ING1: variants seen among roughly 807,000 people sequenced by gnomAD.
The protein encoded by ING1 is inhibitor of growth family member 1.
A neutral mutation model predicts 23.1 loss-of-function variants in ING1; 4 were observed. The observed-to-expected ratio is 0.17, with a 90% confidence interval of 0.09 to 0.40. The LOEUF is 0.40. Ranked by LOEUF, ING1 falls within the 10% of genes least tolerant of loss-of-function variation. ING1 has a pLI of 1.00. For missense variants in ING1, 256 were observed against 393.8 expected (o/e 0.65, Z 2.96); for synonymous variants, 179 against 166.4 (o/e 1.08, Z -0.58).
chr13:110,712,644 G>C, upstream of ING1: 1 of 586,744 alleles, frequency 1.7e-6, no homozygotes, highest in Non-Finnish European at 3.2e-6. Flanking sequence ...GGCGACGCGG[G>C]GGAGGGCGGT....
Position 110,722,364 on chromosome 13 carries a change from T to G in ING1, c.*2432T>G, listed in dbSNP as rs1187131479. 6.6e-6 allele frequency: 1 copy of G among 152,186 alleles called. No individual in the cohort carries two copies. The highest frequency in any genetic ancestry group is 2.4e-5 in the African/African-American group (1 of 41,438). The allele number at this position is 152,186 out of a possible 1,614,324, so 9.4% of individuals were successfully genotyped here. Reference sequence around the variant, plus strand: ...CCAGTGACAATAAAAATAGCTTGAGTCTTTGCTTATATAAAATTTCATGCT... The same window carrying G: ...CCAGTGACAATAAAAATAGCTTGAGGCTTTGCTTATATAAAATTTCATGCT... On this transcript the variant is annotated 3_prime_UTR_variant, in exon 2 of 2. Coordinates refer to ENST00000333219, the MANE Select transcript of ING1 (RefSeq NM_198219.3).
chr13:110,713,471 C>A (rs959537143), upstream of ING1: 119 of 989,524 alleles, frequency 1.2e-4, no homozygotes, highest in East Asian at 3.4e-4. Context: ...GCCGTCCACA[C>A]CCCAGCGGCC....
chr13:110,714,339 G>C (rs987064189), intron 1 of ING1, 54 bp downstream of exon 1: 24 of 1,471,180 alleles, frequency 1.6e-5, no homozygotes, highest in African/African-American at 2.9e-5. Context: ...CGGCGGGTCC[G>C]GGCGCGCCGC....
chr13:110,715,378 A>T, intron 1 of ING1: 1 of 1,499,466 alleles, frequency 6.7e-7, no homozygotes, highest in Admixed American at 2.3e-5. Flanking sequence ...TTCGCAGCGA[A>T]TTTTATAGGA....
chr13:110,713,077 C>A, upstream of ING1: 1 of 1,444,710 alleles, frequency 6.9e-7, no homozygotes, highest in Non-Finnish European at 9.1e-7. Context: ...CCCTCCCCTT[C>A]CTTCCGCCTC....
chr13:110,713,008 C>T (rs1279724119), upstream of ING1: 2 of 1,532,838 alleles, frequency 1.3e-6, no homozygotes, highest in Non-Finnish European at 1.8e-6. Context: ...GCGGCCGCAG[C>T]TCAAAGGACA....
At position 110,719,557 on chromosome 13, in the gene ING1, CAACG is replaced by C; in HGVS notation, c.467_470del (p.Asn156ArgfsTer67). 1 of 1,610,646 alleles carries C rather than the reference CAACG, an allele frequency of 6.2e-7. No homozygotes were observed. Among genetic ancestry groups the C allele is most frequent in the Non-Finnish European group, 8.5e-7 (1 of 1,178,862 alleles). ...GCAAGCGCTCACGGCGGCAGCGCAA[CAACG>C]AGAACCGTGAGAACGCGTCCAGCAA... On this transcript the variant is annotated frameshift_variant, in exon 2 of 2. Transcript: ENST00000333219. LOFTEE classifies it high-confidence loss of function. This position sits in a 1 kb window ranked among gnomAD's most constrained non-coding sequence, Gnocchi z 8.9.
In ING1 at chr13:110,719,506, G is replaced by C. The variant is rs1397561064; in HGVS notation, c.414G>C (p.Ala138=). ...GCGCGGACAGGCCCAAAGGCGAGGC[G>C]GCAGCGCAGGCTGACAAGCCCAACA... ...KAGADRPKGE[A]AAQADKPNSK... Residue 138 remains alanine (A), a synonymous_variant, in exon 2 of 2, where the codon GCG becomes GCC. Transcript: ENST00000333219. The surrounding 1 kb of genome is among the most constrained non-coding windows in gnomAD (Gnocchi z 8.9). 1.9e-6 allele frequency: 3 copies of C among 1,611,432 alleles called. No individual in the cohort carries two copies.
intron 1 of ING1, chr13:110,715,492 G>C (rs201294272): frequency 1.4e-4 from 224 of 1,613,128 alleles, no homozygotes; most frequent in Admixed American, 1.7e-5. Context: ...ACGATTGGTC[G>C]CTGAGGCGGA....
In ING1 at chr13:110,719,585, A is replaced by AACCACG; in HGVS notation, c.502_507dup (p.His168_Asp169dup). 1.2e-6 allele frequency: 2 copies of AACCACG among 1,611,442 alleles called. No homozygotes were observed. The highest frequency in any genetic ancestry group is 1.7e-6 in the Non-Finnish European group (2 of 1,179,310). On this transcript the variant is annotated inframe_insertion, in exon 2 of 2. Transcript: ENST00000333219. This position sits in a 1 kb window ranked among gnomAD's most constrained non-coding sequence, Gnocchi z 8.9. ...CGAGAACCGTGAGAACGCGTCCAGC[A>AACCACG]ACCACGACCACGACGACGGCGCCTC... is the stretch of plus-strand genomic sequence containing the variant.
upstream of ING1, chr13:110,712,650 G>A (rs2064044294): frequency 1.7e-6 from 1 of 597,204 alleles, no homozygotes; most frequent in Admixed American, 2.3e-5. Flanking sequence ...GCGGGGGAGG[G>A]CGGTCCGGGG....
In ING1 at chr13:110,722,225, A is replaced by G. The variant is rs1476139720; in HGVS notation, c.*2293A>G. 2 of 152,066 alleles carry G rather than the reference A, an allele frequency of 1.3e-5. No homozygotes were observed. The highest frequency in any genetic ancestry group is 2.4e-5 in the African/African-American group (1 of 41,390). The allele number at this position is 152,066 out of a possible 1,614,324, so 9.4% of individuals were successfully genotyped here. A position where few individuals can be genotyped will look rare whatever the true frequency, so the allele number is the denominator to read the frequency against. On this transcript the variant is annotated 3_prime_UTR_variant, in exon 2 of 2. Transcript: ENST00000333219. ...AAATAGGTGTTTATTTTCCCACAAA[A>G]CTCCAGAACATTTAAGAGTCTCGGG...
rs559721882 is a variant in ING1, at chr13:110,715,818, G to A, written c.136+1533G>A. 8.2e-6 allele frequency: 13 copies of A among 1,586,308 alleles called. No individual in the cohort carries two copies. The African/African-American group carries it at 1.7e-4, about 21-fold the overall frequency. ...TGGAGGCCTGGCGGGTGTCGCCCCG[G>A]CCCCTCTCCCCGCTCAGCCCGGCCA... On this transcript the variant is annotated intron_variant, in intron 1 of 1. Transcript: ENST00000333219.
rs1273140569 is a variant in ING1 at position 110,721,467 on chromosome 13, G to A, written c.*1535G>A. The stretch of plus-strand genomic sequence containing the variant: ...GTAGAGACGCGGTTTCTCCATGTTG[G>A]TCATGGCTGGTCTCGCACTCCCGAC... On this transcript the variant is annotated 3_prime_UTR_variant, in exon 2 of 2. Transcript: ENST00000333219. The A allele has an allele frequency of 6.6e-6, 1 of 152,098 alleles. No homozygotes were observed. The highest frequency in any genetic ancestry group is 2.4e-5 in the African/African-American group (1 of 41,340). The allele number at this position is 152,098 out of a possible 1,614,324, so 9.4% of individuals were successfully genotyped here.
In ING1 at chr13:110,715,282, C is replaced by G. The variant is rs1012334182; in HGVS notation, c.136+997C>G. 1.8e-3 allele frequency: 2,143 copies of G among 1,190,066 alleles called. 1 individual carries two copies. Among genetic ancestry groups the G allele is most frequent in the Non-Finnish European group, 2.2e-3 (2,065 of 921,516 alleles). The allele number at this position is 1,190,066 out of a possible 1,614,324, so 73.7% of individuals were successfully genotyped here. A position where few individuals can be genotyped will look rare whatever the true frequency, so the allele number is the denominator to read the frequency against. On this transcript the variant is annotated intron_variant, in intron 1 of 1. Transcript: ENST00000333219. Reference sequence around the variant, plus strand: ...GGGAAACGGAAGAGTTGGGTGGGGGCAAAAAAAAAAATTGACCGCTATCCC... The same window carrying G: ...GGGAAACGGAAGAGTTGGGTGGGGGGAAAAAAAAAAATTGACCGCTATCCC...
In ING1 at chr13:110,713,902, C is replaced by G; in HGVS notation, c.-248C>G. ...CCCGCCGCCTGAGAGGGGGCCTGCG[C>G]CGCCGGCCGGGGCGTGCGCCCGGGA... On this transcript the variant is annotated 5_prime_UTR_variant, in exon 1 of 2. Transcript: ENST00000333219. The G allele has an allele frequency of 1.6e-5, 16 of 980,566 alleles. No individual in the cohort carries two copies. Among genetic ancestry groups the G allele is most frequent in the Non-Finnish European group, 1.8e-5 (15 of 828,774 alleles). 60.7% of individuals were successfully genotyped at this position (980,566 alleles called of 1,614,324 possible).
intron 1 of ING1, among the ~76,000 whole-genome samples, chr13:110,717,513 AG>A (rs1450757693): frequency 1.3e-5 from 2 of 152,184 alleles, no homozygotes; most frequent in Non-Finnish European, 2.9e-5. Context: ...TCCCACTCTC[AG>A]CCCCTCCCCT....
rs1264963965 is a variant in ING1 at position 110,720,913 on chromosome 13, T to A, written c.*981T>A. ...CTTATTATTAATAATGAAGTAGAAG[T>A]TACTTAATTGCCAGCAAATAAATAC... On this transcript the variant is annotated 3_prime_UTR_variant, in exon 2 of 2. Coordinates refer to ENST00000333219, the MANE Select transcript of ING1 (RefSeq NM_198219.3). 6.0e-6 allele frequency: 1 copy of A among 167,128 alleles called. No individual in the cohort carries two copies. The highest frequency in any genetic ancestry group is 1.5e-5 in the Non-Finnish European group (1 of 68,122). The allele number at this position is 167,128 out of a possible 1,614,324, so 10.4% of individuals were successfully genotyped here. A position where few individuals can be genotyped will look rare whatever the true frequency, so the allele number is the denominator to read the frequency against.
At chr13:110,715,279 G>A in intron 1 of ING1, 2 of 1,384,296 alleles carry the variant, frequency 1.4e-6, no homozygotes, top group South Asian at 1.8e-5. Context: ...AGTTGGGTGG[G>A]GGCAAAAAAA....
Sources: gnomAD v4.1 joint callset for allele counts (sites outside exome capture counted in the v4.1 genomes callset) on GRCh38, gnomAD v4.1.1 for gene constraint, Gnocchi (gnomAD v3.1) non-coding constraint, MANE v1.5 for transcripts, NCBI Gene and HGNC (gene_info 2026-07-23, HGNC 2026-07-21) for gene names.